The following PLEKHA5 variants were observed in gnomAD, a reference collection of about 807,000 sequenced individuals.
PLEKHA5 encodes pleckstrin homology domain-containing family A member 5.
PLEKHA5 carries 55 observed loss-of-function variants against 181.9 expected under a neutral mutation model. That is an observed-to-expected ratio of 0.30 (90% CI 0.24 to 0.38). The LOEUF is 0.38. PLEKHA5 is among the 10% of genes least tolerant of loss of function. The probability of loss-of-function intolerance (pLI) is 1.00; values close to 1 mark genes in which losing one functional copy is unlikely to be tolerated. For missense variants in PLEKHA5, 1,432 were observed against 1,549.5 expected (o/e 0.92, Z 1.27); for synonymous variants, 535 against 529.4 (o/e 1.01, Z -0.15).
chr12:19,157,093 T>TACATAC (rs2041934380), intron 3 of PLEKHA5, among the ~76,000 whole-genome samples: 1 of 19,564 alleles, frequency 5.1e-5, no homozygotes, highest in Non-Finnish European at 1.2e-4. Context: ...TATCTATATG[T>TACATAC]ACATACACAC....
intron 15 of PLEKHA5, chr12:19,307,403 C>T (rs704163): frequency 0.076 from 19,370 of 255,294 alleles, 1,044 homozygotes; most frequent in Admixed American, 0.17. Flanking sequence ...ATCCTGGAGG[C>T]GGAGGTTGCA....
chr12:19,269,732 A>G (rs757723145), intron 8 of PLEKHA5, 38 bp from the exon 9 acceptor site: 23 of 1,076,366 alleles, frequency 2.1e-5, no homozygotes, highest in African/African-American at 3.1e-5. Flanking sequence ...ACAGAATCCT[A>G]TATTTTTATT....
chr12:19,315,862 A>G (rs1276142263), intron 16 of PLEKHA5, among the ~76,000 whole-genome samples: 2 of 152,184 alleles, frequency 1.3e-5, no homozygotes, highest in Non-Finnish European at 2.9e-5. Context: ...AGGAATGGAT[A>G]CAATTGATCA....
intron 3 of PLEKHA5, among the ~76,000 whole-genome samples, chr12:19,168,799 G>A (rs1203863626): frequency 1.3e-5 from 2 of 152,170 alleles, no homozygotes; most frequent in Non-Finnish European, 2.9e-5. Context: ...GTAAAAGGTG[G>A]TAAATGAATA....
chr12:19,366,206 G>C (rs2095417239), intron 30 of PLEKHA5, 97 bp downstream of exon 30: 2 of 998,046 alleles, frequency 2.0e-6, no homozygotes, highest in Admixed American at 4.6e-5. Context: ...AATCGCTTAA[G>C]TACCTTGACT....
At chr12:19,256,674 A>G (rs1442885263) in intron 5 of PLEKHA5, among the ~76,000 whole-genome samples, 4 of 152,226 alleles carry the variant, frequency 2.6e-5, no homozygotes, top group Admixed American at 6.5e-5. Context: ...AATTCTAAAG[A>G]AGTATGCTGG....
At chr12:19,299,141 C>CA (rs1311563583) in intron 15 of PLEKHA5, among the ~76,000 whole-genome samples, 2 of 152,212 alleles carry the variant, frequency 1.3e-5, no homozygotes, top group African/African-American at 4.8e-5. Flanking sequence ...AGAATTAAGT[C>CA]AGACAAGTGC....
At chr12:19,290,896 C>G in intron 14 of PLEKHA5, 100 bp downstream of exon 14, 1 of 1,007,262 alleles carries the variant, frequency 9.9e-7, no homozygotes, top group Non-Finnish European at 1.4e-6. Context: ...TGAGCATGAG[C>G]CCATACCATC....
At chr12:19,280,637 G>A (rs933071422) in intron 11 of PLEKHA5, among the ~76,000 whole-genome samples, 3 of 151,812 alleles carry the variant, frequency 2.0e-5, no homozygotes, top group Admixed American at 6.6e-5. Context: ...CCACATACTT[G>A]GTTCATTGAA....
intron 3 of PLEKHA5, among the ~76,000 whole-genome samples, chr12:19,191,968 C>G (rs1475224949): frequency 6.6e-6 from 1 of 152,064 alleles, no homozygotes; most frequent in Non-Finnish European, 1.5e-5. Flanking sequence ...GTGAAAAAGG[C>G]CAGCCTTGAT....
intron 6 of PLEKHA5, among the ~76,000 whole-genome samples, chr12:19,260,313 C>T: frequency 6.6e-6 from 1 of 152,188 alleles, no homozygotes; most frequent in South Asian, 2.1e-4. Context: ...AGAACACATG[C>T]ACTGCTGCAT....
At chr12:19,277,374 G>A (rs995585787) in intron 11 of PLEKHA5, among the ~76,000 whole-genome samples, 1 of 152,136 alleles carries the variant, frequency 6.6e-6, no homozygotes, top group African/African-American at 2.4e-5. Flanking sequence ...TTTAAAAATT[G>A]TGAAGTATAA....
chr12:19,215,218 A>G (rs925464493), intron 3 of PLEKHA5, among the ~76,000 whole-genome samples: 1 of 152,174 alleles, frequency 6.6e-6, no homozygotes, highest in Non-Finnish European at 1.5e-5. Flanking sequence ...CTTACTAAAA[A>G]CTATTTCTTC....
chr12:19,314,207 C>G (rs2152999556), intron 15 of PLEKHA5, among the ~76,000 whole-genome samples: 1 of 152,194 alleles, frequency 6.6e-6, no homozygotes, highest in Non-Finnish European at 1.5e-5. Context: ...AGGAGACATA[C>G]CAAGTCTTTG....
rs143345910 is a variant in PLEKHA5, at chr12:19,307,327, C to G, written c.2038-7487C>G. On this transcript the variant is annotated intron_variant, in intron 15 of 31. Transcript: ENST00000429027. ...GTCTCTACTAAAAATTCAAAATTAG[C>G]CGGGCATGGTGGCGCATGCCTGTAA... 1,102 of 325,602 alleles carry G rather than the reference C, an allele frequency of 3.4e-3. 11 individuals carry two copies. Among genetic ancestry groups the G allele is most frequent in the African/African-American group, 0.023 (1,026 of 45,202 alleles). The allele number at this position is 325,602 out of a possible 1,614,324, so 20.2% of individuals were successfully genotyped here.
intron 22 of PLEKHA5, 71 bp downstream of exon 22, chr12:19,343,505 T>C (rs890025283): frequency 2.8e-5 from 24 of 870,988 alleles, no homozygotes; most frequent in Non-Finnish European, 4.4e-5. Flanking sequence ...GGTGACAGAT[T>C]ACATTCTGAG....
chr12:19,249,048 G>C (rs2064527299), intron 3 of PLEKHA5, among the ~76,000 whole-genome samples: 1 of 152,126 alleles, frequency 6.6e-6, no homozygotes, highest in Non-Finnish European at 1.5e-5. Flanking sequence ...ATTAGGCACA[G>C]TGGGACAGGC....
At chr12:19,212,085 C>T (rs991711597) in intron 3 of PLEKHA5, among the ~76,000 whole-genome samples, 1 of 152,138 alleles carries the variant, frequency 6.6e-6, no homozygotes, top group African/African-American at 2.4e-5. Flanking sequence ...TTTTATTTAA[C>T]GGAGGCTTGT....
chr12:19,281,592 A>G (rs1217291334), intron 11 of PLEKHA5, among the ~76,000 whole-genome samples: 1 of 151,498 alleles, frequency 6.6e-6, no homozygotes, highest in African/African-American at 2.4e-5. Context: ...AAAAAAAAAG[A>G]TAATAGGGAA....
Sources: allele counts gnomAD v4.1 joint callset (sites outside exome capture counted in the v4.1 genomes callset), GRCh38; gene constraint gnomAD v4.1.1; transcripts MANE v1.5; gene names NCBI Gene and HGNC (gene_info 2026-07-23, HGNC 2026-07-21).